The following FKBPL variants were observed in gnomAD, a reference collection of about 807,000 sequenced individuals.
FKBPL encodes FKBP prolyl isomerase like.
A neutral mutation model predicts 27.9 loss-of-function variants in FKBPL; 31 were observed. The observed-to-expected ratio is 1.11, with a 90% confidence interval of 0.83 to 1.50. The LOEUF (loss-of-function observed/expected upper bound fraction) is 1.50, where lower values mean the gene tolerates loss of function less well. Ranked by LOEUF, FKBPL falls within the 40% of genes most tolerant of loss-of-function variation. The pLI is 0.00. For synonymous variants in FKBPL, 134 were observed against 169.5 expected, an observed-to-expected ratio of 0.79 and a Z score of 1.63; for missense variants, 355 against 425.9, an observed-to-expected ratio of 0.83 and a Z score of 1.46.
Position 32,129,718 on chromosome 6 carries a change from C to G in FKBPL, c.63G>C (p.Trp21Cys), listed in dbSNP as rs769049613. The G allele has an allele frequency of 2.5e-6, 4 of 1,614,104 alleles. No homozygotes were observed. Among genetic ancestry groups the G allele is most frequent in the Non-Finnish European group, 3.4e-6 (4 of 1,180,022 alleles). Residue 21 changes from tryptophan to cysteine, a missense_variant, in exon 2 of 2, where the codon TGG becomes TGC. Coordinates refer to ENST00000375156, the MANE Select transcript of FKBPL (RefSeq NM_022110.4). This position sits in a 1 kb window ranked among gnomAD's most constrained non-coding sequence, Gnocchi z 4.5. ...EKDTSQPQQEWEKNLRENLDS... is the reference protein window; with the variant it reads ...EKDTSQPQQECEKNLRENLDS... ...CAAGGTTCTCCCGAAGGTTCTTTTC[C>G]CACTCTTGTTGCGGCTGAGAGGTGT... is the stretch of plus-strand genomic sequence containing the variant.
At position 32,128,900 on chromosome 6, in the gene FKBPL, AC is replaced by A. The variant is rs757166166; in HGVS notation, c.880del (p.Val294LeufsTer22). The A allele has an allele frequency of 1.2e-6, 2 of 1,613,830 alleles. No individual in the cohort carries two copies. Among genetic ancestry groups the A allele is most frequent in the Non-Finnish European group, 8.5e-7 (1 of 1,179,970 alleles). ...GHLKALYRRG[V>X]AQAALGNLEK... ...CAGGTTCCCAAGGGCAGCCTGGGCA[AC>A]CCCCCTTCGGTATAAGGCCTTTAAA... is the stretch of plus-strand genomic sequence containing the variant. On this transcript the variant is annotated frameshift_variant, in exon 2 of 2. Coordinates refer to ENST00000375156, the MANE Select transcript of FKBPL (RefSeq NM_022110.4). LOFTEE classifies it high-confidence loss of function.
Position 32,130,209 on chromosome 6 carries a change from G to T in FKBPL, c.-189C>A. ...TGCCCTCGGAGCCTTGCCCCACGCG[G>T]AGAGGGCAGCCGGAGAGGGGCGCGG... On this transcript the variant is annotated 5_prime_UTR_variant, in exon 1 of 2. Coordinates refer to ENST00000375156, the MANE Select transcript of FKBPL (RefSeq NM_022110.4). 1 of 201,578 alleles carries T rather than the reference G, an allele frequency of 5.0e-6. No homozygotes were observed. Among genetic ancestry groups the T allele is most frequent in the Non-Finnish European group, 1.0e-5 (1 of 97,194 alleles). 12.5% of individuals were successfully genotyped at this position (201,578 alleles called of 1,614,324 possible).
At position 32,130,089 on chromosome 6, in the gene FKBPL, A is replaced by C; in HGVS notation, c.-75+6T>G. ...ACTACGGACACCCGGTCGGGTCAAT[A>C]AGTACCTGCGCGGCCAAAGTGCCTA... is the stretch of plus-strand genomic sequence containing the variant. On this transcript the variant is annotated splice_donor_region_variant and intron_variant, in intron 1 of 1. Transcript: ENST00000375156. The C allele has an allele frequency of 5.7e-6, 3 of 522,868 alleles. No homozygotes were observed. Among genetic ancestry groups the C allele is most frequent in the Non-Finnish European group, 1.0e-5 (3 of 292,920 alleles). The allele number at this position is 522,868 out of a possible 1,614,324, so 32.4% of individuals were successfully genotyped here.
rs1782134420 is a variant in FKBPL at position 32,129,150 on chromosome 6, T to C, written c.631A>G (p.Arg211Gly). 6.2e-7 allele frequency: 1 copy of C among 1,614,268 alleles called. No individual in the cohort carries two copies. Among genetic ancestry groups the C allele is most frequent in the South Asian group, 1.1e-5 (1 of 91,090 alleles). The change falls in exon 2 of 2, where the codon AGG becomes GGG. Residue 211 changes from arginine to glycine, a missense_variant. Physicochemically the swap from Arg to Gly is moderately radical, Grantham distance 125 (BLOSUM62 -2). Coordinates refer to ENST00000375156, the MANE Select transcript of FKBPL (RefSeq NM_022110.4). The surrounding 1 kb of genome is among the most constrained non-coding windows in gnomAD (Gnocchi z 4.5). Reference sequence around the variant, plus strand: ...TCTGTGCCCCTTGCACGTTCTTCCCTGGCCAGGGCTTCCTTCTCGCTAGTC... The same window carrying C: ...TCTGTGCCCCTTGCACGTTCTTCCCCGGCCAGGGCTTCCTTCTCGCTAGTC... Reference protein sequence around the residue: ...LETSEKEALAREERARGTELF... With the variant: ...LETSEKEALAGEERARGTELF...
chr6:32,129,328 C>T lies in FKBPL; in HGVS notation c.453G>A (p.Trp151Ter), dbSNP rs1782143697. The change falls in exon 2 of 2, where the codon TGG becomes TGA. Residue 151 changes from tryptophan to a stop codon, truncating the protein, a stop_gained. Transcript: ENST00000375156. LOFTEE classifies it high-confidence loss of function. This position sits in a 1 kb window ranked among gnomAD's most constrained non-coding sequence, Gnocchi z 4.5. Reference protein sequence around the residue: ...WTELTMGVGPWREETWGELIE... With the variant: ...WTELTMGVGP The stretch of plus-strand genomic sequence containing the variant: ...TGAGCTCCCCCCAAGTTTCCTCCCT[C>T]CATGGCCCTACGCCCATAGTTAGCT... 3.1e-6 allele frequency: 5 copies of T among 1,614,126 alleles called. No homozygotes were observed. The highest frequency in any genetic ancestry group is 4.2e-6 in the Non-Finnish European group (5 of 1,180,044).
Position 32,129,089 on chromosome 6 carries a change from CG to C in FKBPL, c.691del (p.Arg231AspfsTer11), listed in dbSNP as rs1782131857. ...FRAGNPEGAARCYGRALRLLL... is the reference protein window; with the variant it reads ...FRAGNPEGAAXCYGRALRLLL... ...CAGCCGAAGAGCCCGTCCATAGCAT[CG>C]GGCAGCTCCTTCAGGGTTCCCAGCT... On this transcript the variant is annotated frameshift_variant, in exon 2 of 2. Transcript: ENST00000375156. LOFTEE classifies it high-confidence loss of function. This position sits in a 1 kb window ranked among gnomAD's most constrained non-coding sequence, Gnocchi z 4.5. The C allele has an allele frequency of 1.2e-6, 2 of 1,614,238 alleles. No homozygotes were observed. Among genetic ancestry groups the C allele is most frequent in the African/African-American group, 1.3e-5 (1 of 75,056 alleles).
At position 32,129,740 on chromosome 6, in the gene FKBPL, G is replaced by A. The variant is rs975725419; in HGVS notation, c.41C>T (p.Thr14Ile). 5 of 1,614,074 alleles carry A rather than the reference G, an allele frequency of 3.1e-6. No individual in the cohort carries two copies. The highest frequency in any genetic ancestry group is 3.4e-6 in the Non-Finnish European group (4 of 1,180,006). Residue 14 changes from threonine (T) to isoleucine (I), a missense_variant, in exon 2 of 2, where the codon ACC becomes ATC. Transcript: ENST00000375156. This position sits in a 1 kb window ranked among gnomAD's most constrained non-coding sequence, Gnocchi z 4.5. ...PPVNTIGEKD[T>I]SQPQQEWEKN... Reference sequence around the variant, plus strand: ...TTCCCACTCTTGTTGCGGCTGAGAGGTGTCCTTTTCTCCAATTGTATTGAC... The same window carrying A: ...TTCCCACTCTTGTTGCGGCTGAGAGATGTCCTTTTCTCCAATTGTATTGAC...
intron 1 of FKBPL, 59 bp downstream of exon 1, chr6:32,130,036 A>G (rs927507370): frequency 3.4e-6 from 2 of 589,810 alleles, no homozygotes; most frequent in Admixed American, 3.0e-5. Context: ...AAATTCCACA[A>G]TTCCCTGCGG....
Position 32,128,743 on chromosome 6 carries a change from C to T in FKBPL, c.1038G>A (p.Lys346=). The T allele has an allele frequency of 6.2e-7, 1 of 1,614,176 alleles. No individual in the cohort carries two copies. The highest frequency in any genetic ancestry group is 8.5e-7 in the Non-Finnish European group (1 of 1,180,036). The change falls in exon 2 of 2, where the codon AAG becomes AAA. Residue 346 remains lysine, a synonymous_variant. Coordinates refer to ENST00000375156, the MANE Select transcript of FKBPL (RefSeq NM_022110.4). ...QDAGLAQGLR[K]MFG ...GTTTAACTTTTAATCAGCCAAACAT[C>T]TTGCGCAGACCCTGAGCCAGCCCTG...
chr6:32,129,076 C>A lies in FKBPL; in HGVS notation c.705G>T (p.Arg235=). 6.2e-7 allele frequency: 1 copy of A among 1,614,238 alleles called. No individual in the cohort carries two copies. The highest frequency in any genetic ancestry group is 8.5e-7 in the Non-Finnish European group (1 of 1,180,038). ...GTAAAGTCAGGAGCAGCCGAAGAGC[C>A]CGTCCATAGCATCGGGCAGCTCCTT... The part of the protein sequence containing the change: ...NPEGAARCYG[R]ALRLLLTLPP... The change falls in exon 2 of 2, where the codon CGG becomes CGT. Residue 235 remains arginine (R), a synonymous_variant. Transcript: ENST00000375156. The surrounding 1 kb of genome is among the most constrained non-coding windows in gnomAD (Gnocchi z 4.5).
In FKBPL at chr6:32,128,982, G is replaced by C; in HGVS notation, c.799C>G (p.Gln267Glu). 2 of 1,614,060 alleles carry C rather than the reference G, an allele frequency of 1.2e-6. No homozygotes were observed. Among genetic ancestry groups the C allele is most frequent in the Admixed American group, 3.3e-5 (2 of 60,028 alleles). Residue 267 changes from glutamine (Q) to glutamate (E), a missense_variant, in exon 2 of 2, where the codon CAG becomes GAG. Coordinates refer to ENST00000375156, the MANE Select transcript of FKBPL (RefSeq NM_022110.4). ...CAGCTCTGGGCTGCCAACTGAGGCT[G>C]CCCTAGCAACAACTGACAGGCAGCC... is the stretch of plus-strand genomic sequence containing the variant. ...NLAACQLLLG[Q>E]PQLAAQSCDR...
chr6:32,128,964 G>A lies in FKBPL; in HGVS notation c.817C>T (p.Gln273Ter), dbSNP rs747758052. 6.2e-7 allele frequency: 1 copy of A among 1,614,014 alleles called. No homozygotes were observed. The highest frequency in any genetic ancestry group is 1.7e-5 in the Admixed American group (1 of 60,020). ...CGCTCCAACACCCGGTCACAGCTCT[G>A]GGCTGCCAACTGAGGCTGCCCTAGC... ...LLLGQPQLAA[Q>*]SCDRVLEREP... The change falls in exon 2 of 2, where the codon CAG (glutamine) becomes TAG (stop). Residue 273 changes from glutamine (Q) to a stop codon, truncating the protein, a stop_gained. Coordinates refer to ENST00000375156, the MANE Select transcript of FKBPL (RefSeq NM_022110.4). LOFTEE classifies it high-confidence loss of function.
At position 32,130,143 on chromosome 6, in the gene FKBPL, C is replaced by A; in HGVS notation, c.-123G>T. 2.7e-6 allele frequency: 1 copy of A among 377,164 alleles called. No individual in the cohort carries two copies. Among genetic ancestry groups the A allele is most frequent in the Non-Finnish European group, 4.9e-6 (1 of 205,738 alleles). 23.4% of individuals were successfully genotyped at this position (377,164 alleles called of 1,614,324 possible). ...TGGTGACAGGAGGAGCCGGGCCATT[C>A]GAATCACCTCTCCTTCCAAAGCTAA... On this transcript the variant is annotated 5_prime_UTR_variant, in exon 1 of 2. Transcript: ENST00000375156.
rs770979514 is a variant in FKBPL, at chr6:32,129,437, A to C, written c.344T>G (p.Leu115Trp). 1.9e-6 allele frequency: 3 copies of C among 1,614,114 alleles called. No homozygotes were observed. In the African/African-American group the frequency reaches 4.0e-5, roughly 22 times the overall value. Residue 115 changes from leucine (L) to tryptophan (W), a missense_variant, in exon 2 of 2, where the codon TTG becomes TGG. Coordinates refer to ENST00000375156, the MANE Select transcript of FKBPL (RefSeq NM_022110.4). This position sits in a 1 kb window ranked among gnomAD's most constrained non-coding sequence, Gnocchi z 4.5. ...GCAGGAGCCTAGTTTGGGTTTGTCC[A>C]AGCCATGGCCACGGATTACGATCTT... ...VKKIVIRGHG[L>W]DKPKLGSCCR...
In FKBPL at chr6:32,129,214, C is replaced by T; in HGVS notation, c.567G>A (p.Leu189=). 6.2e-7 allele frequency: 1 copy of T among 1,614,230 alleles called. No individual in the cohort carries two copies. The highest frequency in any genetic ancestry group is 8.5e-7 in the Non-Finnish European group (1 of 1,180,038). ...GHSGPPVRLT[L]ASFTQGRDSW... ...AGTCTCGGCCTTGAGTGAAGGATGC[C>T]AGTGTGAGCCTGACAGGAGGTCCAG... Residue 189 remains leucine, a synonymous_variant, in exon 2 of 2, where the codon CTG becomes CTA. Coordinates refer to ENST00000375156, the MANE Select transcript of FKBPL (RefSeq NM_022110.4). This position sits in a 1 kb window ranked among gnomAD's most constrained non-coding sequence, Gnocchi z 4.5.
Position 32,129,217 on chromosome 6 carries a change from T to C in FKBPL, c.564A>G (p.Thr188=). ...CTCGGCCTTGAGTGAAGGATGCCAGTGTGAGCCTGACAGGAGGTCCAGAGT... is the reference window on the plus strand; with the variant it reads ...CTCGGCCTTGAGTGAAGGATGCCAGCGTGAGCCTGACAGGAGGTCCAGAGT... ...PGHSGPPVRL[T]LASFTQGRDS... The change falls in exon 2 of 2, where the codon ACA becomes ACG. Residue 188 remains threonine, a synonymous_variant. Transcript: ENST00000375156. The surrounding 1 kb of genome is among the most constrained non-coding windows in gnomAD (Gnocchi z 4.5). The C allele has an allele frequency of 6.2e-7, 1 of 1,614,238 alleles. No homozygotes were observed. Among genetic ancestry groups the C allele is most frequent in the Non-Finnish European group, 8.5e-7 (1 of 1,180,020 alleles).
chr6:32,129,480 C>A lies in FKBPL; in HGVS notation c.301G>T (p.Asp101Tyr), dbSNP rs1782152477. The A allele has an allele frequency of 6.2e-7, 1 of 1,614,238 alleles. No homozygotes were observed. Among genetic ancestry groups the A allele is most frequent in the Non-Finnish European group, 8.5e-7 (1 of 1,180,050 alleles). The change falls in exon 2 of 2, where the codon GAT (aspartate) becomes TAT (tyrosine). Residue 101 changes from aspartate to tyrosine, a missense_variant. Physicochemically the swap from Asp to Tyr is radical, Grantham distance 160 (BLOSUM62 -3). Coordinates refer to ENST00000375156, the MANE Select transcript of FKBPL (RefSeq NM_022110.4). The surrounding 1 kb of genome is among the most constrained non-coding windows in gnomAD (Gnocchi z 4.5). The part of the protein sequence containing the change: ...LQASDLWYCP[D>Y]GSFVKKIVIR... Reference sequence around the variant, plus strand: ...ACGATCTTCTTGACAAAGCTCCCATCGGGGCAGTACCAGAGATCAGAAGCT... The same window carrying A: ...ACGATCTTCTTGACAAAGCTCCCATAGGGGCAGTACCAGAGATCAGAAGCT...
chr6:32,128,789 A>G lies in FKBPL; in HGVS notation c.992T>C (p.Ile331Thr). ...AAQEELGKVV[I>T]QGKNQDAGLA... is the part of the protein sequence containing the mutation. The stretch of plus-strand genomic sequence containing the variant: ...CCCTGCATCCTGGTTCTTCCCCTGA[A>G]TGACCACCTTCCCCAGTTCCTCCTG... The change falls in exon 2 of 2, where the codon ATT becomes ACT. Residue 331 changes from isoleucine to threonine, a missense_variant. Physicochemically the swap from Ile to Thr is moderately conservative, Grantham distance 89 (BLOSUM62 -1). Transcript: ENST00000375156. 6 of 1,614,198 alleles carry G rather than the reference A, an allele frequency of 3.7e-6. No individual in the cohort carries two copies. Among genetic ancestry groups the G allele is most frequent in the Non-Finnish European group, 5.1e-6 (6 of 1,180,026 alleles).
chr6:32,129,107 T>C lies in FKBPL; in HGVS notation c.674A>G (p.Asn225Ser). The C allele has an allele frequency of 6.2e-7, 1 of 1,614,208 alleles. No homozygotes were observed. Among genetic ancestry groups the C allele is most frequent in the Non-Finnish European group, 8.5e-7 (1 of 1,180,036 alleles). ...ARGTELFRAG[N>S]PEGAARCYGR... ...ATAGCATCGGGCAGCTCCTTCAGGG[T>C]TCCCAGCTCGAAATAGTTCTGTGCC... Residue 225 changes from asparagine (N) to serine (S), a missense_variant, in exon 2 of 2, where the codon AAC becomes AGC. By Grantham distance (46) the Asn-to-Ser change is conservative. Coordinates refer to ENST00000375156, the MANE Select transcript of FKBPL (RefSeq NM_022110.4). This position sits in a 1 kb window ranked among gnomAD's most constrained non-coding sequence, Gnocchi z 4.5.
Sources: allele counts gnomAD v4.1 joint callset, GRCh38; gene constraint gnomAD v4.1.1; non-coding constraint Gnocchi (gnomAD v3.1); transcripts MANE v1.5; gene names NCBI Gene and HGNC (gene_info 2026-07-23, HGNC 2026-07-21).